PPP6R2: variants seen among roughly 807,000 people sequenced by gnomAD.
PPP6R2 encodes protein phosphatase 6 regulatory subunit 2.
In PPP6R2, 62 loss-of-function variants were observed where a neutral mutation model predicts 100.2. The ratio of observed to expected loss-of-function variants is 0.62; its 90% CI spans 0.50 to 0.76. The LOEUF is 0.76. Among genes scored for constraint, PPP6R2 ranks in the 30% least tolerant of loss-of-function variants. PPP6R2 has a pLI of 0.00. For missense variants in PPP6R2, 1,142 were observed against 1,276.3 expected, an observed-to-expected ratio of 0.89 and a Z score of 1.60; for synonymous variants, 525 against 514.7, an observed-to-expected ratio of 1.02 and a Z score of -0.27.
Position 50,393,970 on chromosome 22 carries a change from A to G in PPP6R2, c.62A>G (p.His21Arg). The change falls in exon 3 of 24, where the codon CAT (histidine) becomes CGT (arginine). Residue 21 changes from histidine (H) to arginine (R), a missense_variant. Physicochemically the swap from His to Arg is conservative, Grantham distance 29. This residue lies in a region of PPP6R2 where 592 missense variants were observed against 758.9 expected (regional missense o/e 0.78). Transcript: ENST00000612753. ...GTTGACAAGCTGCTGGACAAGGAGC[A>G]TGTGACGCTGCAGGAGTTAATGGAT... ...SHVDKLLDKE[H>R]VTLQELMDED... The G allele has an allele frequency of 1.2e-6, 2 of 1,614,224 alleles. No homozygotes were observed. Among genetic ancestry groups the G allele is most frequent in the Non-Finnish European group, 8.5e-7 (1 of 1,180,044 alleles).
chr22:50,385,342 C>T (rs1184657373), intron 2 of PPP6R2, among the ~76,000 whole-genome samples: 3 of 151,546 alleles, frequency 2.0e-5, no homozygotes, highest in African/African-American at 4.9e-5. Flanking sequence ...ATTACAGACA[C>T]GCACTGCCAT....
chr22:50,415,101 T>G (rs1164732568), intron 5 of PPP6R2, among the ~76,000 whole-genome samples: 2 of 152,188 alleles, frequency 1.3e-5, no homozygotes, highest in Non-Finnish European at 2.9e-5. Context: ...CAGAGCCCCG[T>G]TGTTTACCCT....
chr22:50,436,586 C>CA, intron 14 of PPP6R2, 134 bp downstream of exon 14: 7 of 841,574 alleles, frequency 8.3e-6, no homozygotes, highest in East Asian at 2.7e-5. Flanking sequence ...CTTGACTATG[C>CA]GGTGCCCCTG....
intron 17 of PPP6R2, 28 bp downstream of exon 17, chr22:50,437,928 C>A (rs5770890): frequency 3.8e-6 from 6 of 1,561,310 alleles, no homozygotes; most frequent in East Asian, 4.8e-5. Context: ...TGTGGGGTGC[C>A]GCCACCCTTT....
Position 50,351,047 on chromosome 22 carries a change from T to G in PPP6R2, c.-148+7497T>G, listed in dbSNP as rs371789710. 6.2e-3 allele frequency among the ~76,000 whole-genome samples: 806 copies of G among 129,996 alleles called. 13 individuals are homozygous for G. Among genetic ancestry groups the G allele is most frequent in the Non-Finnish European group, 0.01 (621 of 60,804 alleles). 85.3% of individuals were successfully genotyped at this position (129,996 alleles called of 152,430 possible). On this transcript the variant is annotated intron_variant, in intron 1 of 23. Transcript: ENST00000612753. ...CAGTGTTTTTTTTTTTTTTTTTTTT[T>G]TTTTTTTTTTGAGACAGAGTTTCAC...
At chr22:50,339,787 TGGTGTGTGTGG>T (rs2042349626), upstream of PPP6R2, among the ~76,000 whole-genome samples, 3 of 103,112 alleles carry the variant, frequency 2.9e-5, no homozygotes, top group South Asian at 3.3e-4. Context: ...GGTGTGTGTG[TGGTGTGTGTGG>T]GGTATGTGTG....
chr22:50,360,603 ATCC>A (rs1389827766), intron 1 of PPP6R2, among the ~76,000 whole-genome samples: 1 of 152,104 alleles, frequency 6.6e-6, no homozygotes, highest in Non-Finnish European at 1.5e-5. Flanking sequence ...GCTTCAAGCA[ATCC>A]TCCTGCCTGG....
intron 4 of PPP6R2, among the ~76,000 whole-genome samples, chr22:50,408,533 G>A (rs1489641217): frequency 6.6e-6 from 1 of 152,168 alleles, no homozygotes; most frequent in African/African-American, 2.4e-5. Context: ...TGGGTGTGAG[G>A]CTGCTGGCAG....
At chr22:50,437,635 G>T in intron 16 of PPP6R2, 32 bp downstream of exon 16, 1 of 1,552,502 alleles carries the variant, frequency 6.4e-7, no homozygotes, top group Non-Finnish European at 8.9e-7. Context: ...TCTGCACGAG[G>T]CGCGGCTCTC....
At chr22:50,402,858 G>A (rs2058270794) in intron 3 of PPP6R2, among the ~76,000 whole-genome samples, 1 of 152,178 alleles carries the variant, frequency 6.6e-6, no homozygotes, top group Admixed American at 6.5e-5. Context: ...TCCATCTAGA[G>A]AATCAGTGTC....
chr22:50,387,088 T>C (rs949004342), intron 2 of PPP6R2, among the ~76,000 whole-genome samples: 7 of 152,120 alleles, frequency 4.6e-5, no homozygotes, highest in African/African-American at 1.7e-4. Flanking sequence ...TGAGACAGGG[T>C]CTTGCTCTAT....
rs2064503201 is a variant in PPP6R2 at position 50,437,168 on chromosome 22, A to G, written c.1683+100A>G. ...ACGAGTCTGATGGCATCTCACTAGC[A>G]AAGGGGAGCGGGGGCTCGTCTCCGA... On this transcript the variant is annotated intron_variant, in intron 15 of 23. Coordinates refer to ENST00000612753, the MANE Select transcript of PPP6R2 (RefSeq NM_001242898.2). The G allele has an allele frequency of 4.1e-6, 5 of 1,216,168 alleles. No homozygotes were observed. In the Admixed American group the frequency reaches 1.0e-4, roughly 24 times the overall value. 75.3% of individuals were successfully genotyped at this position (1,216,168 alleles called of 1,614,324 possible).
intron 1 of PPP6R2, among the ~76,000 whole-genome samples, chr22:50,371,627 AT>A (rs1245962394): frequency 6.7e-6 from 1 of 149,778 alleles, no homozygotes; most frequent in Non-Finnish European, 1.5e-5. Context: ...CCATTGCTTT[AT>A]TTTTAAAATT....
intron 21 of PPP6R2, among the ~76,000 whole-genome samples, 175 bp from the exon 22 acceptor site, chr22:50,440,647 C>T (rs918840624): frequency 2.0e-5 from 3 of 152,242 alleles, no homozygotes; most frequent in Admixed American, 1.3e-4. Flanking sequence ...TGTGGAGACC[C>T]CATGGCAGGT....
intron 19 of PPP6R2, among the ~76,000 whole-genome samples, chr22:50,439,308 G>A (rs1021997167): frequency 6.6e-6 from 1 of 152,142 alleles, no homozygotes; most frequent in Non-Finnish European, 1.5e-5. Context: ...GAACATCCCA[G>A]ATAGGAGGAA....
chr22:50,365,789 G>A (rs895601309), intron 1 of PPP6R2, among the ~76,000 whole-genome samples: 2 of 151,710 alleles, frequency 1.3e-5, no homozygotes, highest in Non-Finnish European at 2.9e-5. Flanking sequence ...GATTGCAGTG[G>A]TGCAATCCTG....
intron 15 of PPP6R2, 28 bp from the exon 16 acceptor site, chr22:50,437,474 TGTCC>T (rs1202000725): frequency 1.2e-6 from 1 of 829,200 alleles, no homozygotes; most frequent in African/African-American, 1.7e-5. Flanking sequence ...GACCGGTGTC[TGTCC>T]GTCCCTCCCT....
chr22:50,439,576 C>G (rs2065136955), intron 19 of PPP6R2, 125 bp from the exon 20 acceptor site: 2 of 1,125,514 alleles, frequency 1.8e-6, no homozygotes, highest in Admixed American at 5.9e-5. Context: ...CTGGGCCTCC[C>G]TCCTGGAGCA....
intron 1 of PPP6R2, among the ~76,000 whole-genome samples, chr22:50,368,319 T>G (rs1339636188): frequency 6.6e-6 from 1 of 152,092 alleles, no homozygotes; most frequent in African/African-American, 2.4e-5. Context: ...TTTCCCAGTC[T>G]GCTAAGTAAC....
Sources: gnomAD v4.1 joint callset for allele counts (sites outside exome capture counted in the v4.1 genomes callset) on GRCh38, gnomAD v4.1.1 for gene constraint, gnomAD v4.1.1 regional missense constraint, MANE v1.5 for transcripts, NCBI Gene and HGNC (gene_info 2026-07-23, HGNC 2026-07-21) for gene names.